Variants in LIG3 observed in about 807,000 individuals in gnomAD.
The protein encoded by LIG3 is ligase II, DNA, ATP-dependent.
In LIG3, 58 loss-of-function variants were observed where a neutral mutation model predicts 110.9. That is an observed-to-expected ratio of 0.52 (90% CI 0.42 to 0.65). LIG3 has a LOEUF of 0.65. LIG3 is among the 30% of genes least tolerant of loss of function. The pLI is 0.00. For synonymous variants in LIG3, 422 were observed against 472.8 expected, an observed-to-expected ratio of 0.89 and a Z score of 1.39; for missense variants, 1,094 against 1,273.8, an observed-to-expected ratio of 0.86 and a Z score of 2.15.
At position 35,008,637 on chromosome 17, in the gene LIG3, T is replaced by G. The variant is rs2090913838; in HGVS notation, c.*4131T>G. 1 of 151,984 alleles carries G rather than the reference T, an allele frequency of 6.6e-6. No individual in the cohort carries two copies. Among genetic ancestry groups the G allele is most frequent in the Admixed American group, 6.6e-5 (1 of 15,256 alleles). 9.4% of individuals were successfully genotyped at this position (151,984 alleles called of 1,614,324 possible). A position where few individuals can be genotyped will look rare whatever the true frequency, so the allele number is the denominator to read the frequency against. On this transcript the variant is annotated 3_prime_UTR_variant, in exon 20 of 20. Transcript: ENST00000378526. ...TGGGTTTTTTGTTTGTGTTTTTTTTTGTTTTGTTTTTTGAGACAGAGTCTC... is the reference window on the plus strand; with the variant it reads ...TGGGTTTTTTGTTTGTGTTTTTTTTGGTTTTGTTTTTTGAGACAGAGTCTC...
At position 35,005,749 on chromosome 17, in the gene LIG3, T is replaced by C; in HGVS notation, c.*1243T>C. 1.8e-6 allele frequency: 1 copy of C among 557,952 alleles called. No homozygotes were observed. Among genetic ancestry groups the C allele is most frequent in the Admixed American group, 1.9e-5 (1 of 51,410 alleles). 34.6% of individuals were successfully genotyped at this position (557,952 alleles called of 1,614,324 possible). A position where few individuals can be genotyped will look rare whatever the true frequency, so the allele number is the denominator to read the frequency against. ...GGCTATCTGATGGGTTAGAGCGCCT[T>C]TAAGAAGAAATCAGTGGATACTGGA... On this transcript the variant is annotated 3_prime_UTR_variant, in exon 20 of 20. Coordinates refer to ENST00000378526, the MANE Select transcript of LIG3 (RefSeq NM_013975.4).
At position 34,998,123 on chromosome 17, in the gene LIG3, G is replaced by A; in HGVS notation, c.1912-96G>A. 11 of 884,228 alleles carry A rather than the reference G, an allele frequency of 1.2e-5. No individual in the cohort carries two copies. The South Asian group carries it at 1.8e-4, about 14-fold the overall frequency. The allele number at this position is 884,228 out of a possible 1,614,324, so 54.8% of individuals were successfully genotyped here. ...TATATTTCAAGTAAGGGTGTTTCCA[G>A]TGGACACTTAACTAGTGTGTGAAAA... On this transcript the variant is annotated intron_variant, in intron 12 of 19. Transcript: ENST00000378526.
chr17:34,983,873 A>C (rs3135962), intron 2 of LIG3, among the ~76,000 whole-genome samples: 6,806 of 152,290 alleles, frequency 0.045, 216 homozygotes, highest in Non-Finnish European at 0.072. Context: ...AAGAACATTC[A>C]TATTCCTTTT....
At chr17:34,999,925 G>C in intron 16 of LIG3, 69 bp downstream of exon 16, 1 of 1,290,032 alleles carries the variant, frequency 7.8e-7, no homozygotes, top group South Asian at 1.2e-5. Flanking sequence ...GTGCCATAGA[G>C]AATCCATCTC....
chr17:34,998,973 A>T, intron 14 of LIG3: 1 of 516,774 alleles, frequency 1.9e-6, no homozygotes, highest in Admixed American at 3.4e-5. Flanking sequence ...TTATTTCGTC[A>T]GGGCCTGACA....
intron 4 of LIG3, among the ~76,000 whole-genome samples, chr17:34,990,644 G>A (rs1234209558): frequency 6.6e-6 from 1 of 152,106 alleles, no homozygotes; most frequent in African/African-American, 2.4e-5. Context: ...TGTCGCCCAG[G>A]CTGGAGTACA....
In LIG3 at chr17:34,983,471, A is replaced by C; in HGVS notation, c.466A>C (p.Lys156Gln). 1 of 1,614,180 alleles carries C rather than the reference A, an allele frequency of 6.2e-7. No individual in the cohort carries two copies. The highest frequency in any genetic ancestry group is 8.5e-7 in the Non-Finnish European group (1 of 1,180,030). The change falls in exon 2 of 20, where the codon AAA (lysine) becomes CAA (glutamine). Residue 156 changes from lysine (K) to glutamine (Q), a missense_variant. By Grantham distance (53) the Lys-to-Gln change is moderately conservative. Transcript: ENST00000378526. ...KLERARATTK[K>Q]IEDLTELEGW... The stretch of plus-strand genomic sequence containing the variant: ...AGAGCGGGCCCGGGCCACCACAAAA[A>C]AAATCGAGGACCTCACAGAGCTGGA...
chr17:34,988,952 C>A (rs948237813), intron 3 of LIG3, among the ~76,000 whole-genome samples: 7 of 152,172 alleles, frequency 4.6e-5, no homozygotes, highest in Non-Finnish European at 8.8e-5. Context: ...GATTTCTTAC[C>A]CCTTTCTCAT....
intron 8 of LIG3, among the ~76,000 whole-genome samples, 161 bp downstream of exon 8, chr17:34,992,853 C>T (rs760597005): frequency 6.6e-6 from 1 of 151,882 alleles, no homozygotes; most frequent in Non-Finnish European, 1.5e-5. Context: ...CTGTAGGAGG[C>T]GAAGGCAAAG....
At chr17:34,995,865 C>T (rs191268529) in intron 9 of LIG3, among the ~76,000 whole-genome samples, 199 bp from the exon 10 acceptor site, 2 of 152,334 alleles carry the variant, frequency 1.3e-5, no homozygotes, top group African/African-American at 4.8e-5. Flanking sequence ...TTCCTGGGCC[C>T]GGACAGAAGT....
At chr17:35,010,511 T>G (rs1224598109), downstream of LIG3, 1 of 152,230 alleles carries the variant, frequency 6.6e-6, no homozygotes, top group Non-Finnish European at 1.5e-5. Flanking sequence ...CCCAGCACTT[T>G]GGGAAGCTGA....
intron 7 of LIG3, 43 bp from the exon 8 acceptor site, chr17:34,992,481 A>G (rs2090732618): frequency 3.9e-6 from 6 of 1,529,692 alleles, no homozygotes; most frequent in Non-Finnish European, 5.3e-6. Flanking sequence ...GGAGTCAAAC[A>G]AAGGCAGTGG....
intron 2 of LIG3, 112 bp from the exon 3 acceptor site, chr17:34,985,876 T>C: frequency 1.8e-6 from 2 of 1,098,454 alleles, no homozygotes; most frequent in Admixed American, 4.1e-5. Context: ...GGGCTAGTGC[T>C]AGGGTAGTGA....
intron 5 of LIG3, 45 bp downstream of exon 5, chr17:34,991,159 T>G: frequency 6.3e-7 from 1 of 1,590,006 alleles, no homozygotes; most frequent in East Asian, 2.2e-5. Flanking sequence ...CAGGTGGGGT[T>G]TTGCCAAGCC....
rs374764251 is a variant in LIG3, at chr17:35,001,239, C to T, written c.2332-18C>T. 6.2e-7 allele frequency: 1 copy of T among 1,611,882 alleles called. No individual in the cohort carries two copies. The highest frequency in any genetic ancestry group is 8.5e-7 in the Non-Finnish European group (1 of 1,178,120). On this transcript the variant is annotated intron_variant, in intron 16 of 19. Coordinates refer to ENST00000378526, the MANE Select transcript of LIG3 (RefSeq NM_013975.4). ...TATCTTCTTAACCAGTGATGACCTG[C>T]TGGCTTACTCCTGACAGAAAGCTGC...
At chr17:34,984,421 C>A (rs2090634902) in intron 2 of LIG3, among the ~76,000 whole-genome samples, 1 of 152,132 alleles carries the variant, frequency 6.6e-6, no homozygotes, top group South Asian at 2.1e-4. Context: ...CAATTAGGAA[C>A]CCCTTTACAC....
intron 11 of LIG3, 138 bp downstream of exon 11, chr17:34,996,791 G>T (rs1291662546): frequency 2.8e-6 from 2 of 720,144 alleles, no homozygotes; most frequent in East Asian, 2.5e-5. Flanking sequence ...TCAGGAGCTT[G>T]CCAAAGGCAA....
At chr17:35,000,764 C>T (rs1422251547) in intron 16 of LIG3, among the ~76,000 whole-genome samples, 1 of 151,232 alleles carries the variant, frequency 6.6e-6, no homozygotes, top group Non-Finnish European at 1.5e-5. Context: ...TACAGGGGTG[C>T]CACCACCCCC....
At position 34,994,218 on chromosome 17, in the gene LIG3, G is replaced by A. The variant is rs3135995; in HGVS notation, c.1456-58G>A. On this transcript the variant is annotated intron_variant, in intron 8 of 19. Transcript: ENST00000378526. The stretch of plus-strand genomic sequence containing the variant: ...TAACCCAGTTGCAAGGTCTCTGGCT[G>A]TCGCTGCTTAGCAGCCCCTCATTGA... 6.6e-5 allele frequency: 102 copies of A among 1,555,188 alleles called. 2 individuals are homozygous for A. The Admixed American group carries it at 1.8e-3, about 28-fold the overall frequency.
Sources: gnomAD v4.1 joint callset for allele counts (sites outside exome capture counted in the v4.1 genomes callset) on GRCh38, gnomAD v4.1.1 for gene constraint, MANE v1.5 for transcripts, NCBI Gene and HGNC (gene_info 2026-07-23, HGNC 2026-07-21) for gene names.